The following F10 variants were observed in gnomAD, a reference collection of about 807,000 sequenced individuals.
The protein encoded by F10 is Stuart-Prower factor.
Under a neutral mutation model 37.1 loss-of-function variants are expected in F10, and 29 were observed. The observed-to-expected ratio is 0.78, with a 90% CI of 0.58 to 1.07. F10 has a LOEUF of 1.07. Among genes scored for constraint, F10 ranks in the 50% least tolerant of loss-of-function variants. F10 has a pLI of 0.00. For synonymous variants in F10, 262 were observed against 268.6 expected (o/e 0.98, Z 0.24); for missense variants, 539 against 667.9 (o/e 0.81, Z 2.13).
At position 113,143,704 on chromosome 13, in the gene F10, GGGC is replaced by G; in HGVS notation, c.503-146_503-144del. 1.1e-4 allele frequency: 130 copies of G among 1,188,174 alleles called. No homozygotes were observed. Among genetic ancestry groups the G allele is most frequent in the Admixed American group, 5.5e-4 (23 of 41,794 alleles). The allele number at this position is 1,188,174 out of a possible 1,614,324, so 73.6% of individuals were successfully genotyped here. On this transcript the variant is annotated intron_variant, in intron 5 of 7. Transcript: ENST00000375559. This position sits in a 1 kb window ranked among gnomAD's most constrained non-coding sequence, Gnocchi z 6.8. ...AGATCCGACCCCTGCCGACGACGTG[GGGC>G]CTCGCCCTGCAAGCCCGCTGCCCCT...
intron 1 of F10, among the ~76,000 whole-genome samples, chr13:113,124,474 G>T (rs939625903): frequency 5.3e-5 from 8 of 152,212 alleles, no homozygotes; most frequent in South Asian, 4.1e-4. Context: ...CTGGACCCTG[G>T]GTGGACATGG....
intron 2 of F10, chr13:113,130,583 A>G (rs547184034): frequency 2.6e-5 from 4 of 152,238 alleles, no homozygotes; most frequent in Non-Finnish European, 5.9e-5. Flanking sequence ...CTAACTGTGG[A>G]CCCAAATGGA....
chr13:113,132,980 A>G (rs2036447384), intron 2 of F10, among the ~76,000 whole-genome samples: 1 of 152,228 alleles, frequency 6.6e-6, no homozygotes, highest in Non-Finnish European at 1.5e-5. Flanking sequence ...TAAGTCACAC[A>G]TGTATAAATA....
At chr13:113,129,854 C>T (rs775534930) in intron 2 of F10, 23 of 561,304 alleles carry the variant, frequency 4.1e-5, no homozygotes, top group Non-Finnish European at 6.4e-5. Flanking sequence ...GCGCCCAAGT[C>T]CCTTGAGGGT....
rs753840089 is a variant in F10 at position 113,146,786 on chromosome 13, C to A, written c.748-593C>A. 6.6e-6 allele frequency among the ~76,000 whole-genome samples: 1 copy of A among 152,164 alleles called. No homozygotes were observed. Among genetic ancestry groups the A allele is most frequent in the Non-Finnish European group, 1.5e-5 (1 of 68,022 alleles). ...AAAAGAAAACCAAAATATGCCCGGG[C>A]TCCAAACTTGCAAGTCCAGCTCCCT... On this transcript the variant is annotated intron_variant, in intron 6 of 7. Coordinates refer to ENST00000375559, the MANE Select transcript of F10 (RefSeq NM_000504.4). This position sits in a 1 kb window ranked among gnomAD's most constrained non-coding sequence, Gnocchi z 4.5.
rs528218 is a variant in F10 at position 113,143,032 on chromosome 13, G to A, written c.503-819G>A. ...CAGAGCTGAGGCACGGCGGGGTGGA[G>A]GCCCCTGCGGCTGGCAGATTCACCG... On this transcript the variant is annotated intron_variant, in intron 5 of 7. Transcript: ENST00000375559. This position sits in a 1 kb window ranked among gnomAD's most constrained non-coding sequence, Gnocchi z 6.8. Among the ~76,000 whole-genome samples, 17,214 of 152,160 alleles carry A rather than the reference G, an allele frequency of 0.11. 1,152 individuals are homozygous for A. The highest frequency in any genetic ancestry group is 0.18 in the Middle Eastern group (53 of 294).
chr13:113,145,072 G>A (rs908699210), intron 6 of F10, among the ~76,000 whole-genome samples: 3 of 152,174 alleles, frequency 2.0e-5, no homozygotes, highest in Non-Finnish European at 2.9e-5. Flanking sequence ...AGTAGAGACG[G>A]GGTTTCACCG....
chr13:113,145,287 A>G (rs912215809), intron 6 of F10, among the ~76,000 whole-genome samples: 2 of 152,154 alleles, frequency 1.3e-5, no homozygotes, highest in African/African-American at 4.8e-5. Context: ...CAGCCACCCA[A>G]AGTGCTGGAG....
chr13:113,149,296 C>G lies in F10; in HGVS notation c.1246C>G (p.Gln416Glu). 6.2e-7 allele frequency: 1 copy of G among 1,613,228 alleles called. No homozygotes were observed. The highest frequency in any genetic ancestry group is 8.5e-7 in the Non-Finnish European group (1 of 1,180,044). Residue 416 changes from glutamine (Q) to glutamate (E), a missense_variant, in exon 8 of 8, where the codon CAG becomes GAG. Physicochemically the swap from Gln to Glu is conservative, Grantham distance 29 (BLOSUM62 2). Around this residue, in one of 2 missense-constraint regions of F10, gnomAD observed 409 missense variants for 547.9 expected, o/e 0.75. Coordinates refer to ENST00000375559, the MANE Select transcript of F10 (RefSeq NM_000504.4). The surrounding 1 kb of genome is among the most constrained non-coding windows in gnomAD (Gnocchi z 7.5). Reference protein sequence around the residue: ...GYDTKQEDACQGDSGGPHVTR... With the variant: ...GYDTKQEDACEGDSGGPHVTR... The stretch of plus-strand genomic sequence containing the variant: ...CGACACCAAGCAGGAGGATGCCTGC[C>G]AGGGGGACAGCGGGGGCCCGCACGT...
In F10 at chr13:113,139,018, C is replaced by G. The variant is rs1444607532; in HGVS notation, c.257-339C>G. ...TTGGAAAGAGGAACCCTAACCTCCT[C>G]TCCCGTCAAGGCCCAGCCCAGAAAT... On this transcript the variant is annotated intron_variant, in intron 3 of 7. Coordinates refer to ENST00000375559, the MANE Select transcript of F10 (RefSeq NM_000504.4). The surrounding 1 kb of genome is among the most constrained non-coding windows in gnomAD (Gnocchi z 5.2). Among the ~76,000 whole-genome samples, 1 of 152,262 alleles carries G rather than the reference C, an allele frequency of 6.6e-6. No homozygotes were observed. The highest frequency in any genetic ancestry group is 1.5e-5 in the Non-Finnish European group (1 of 68,050).
rs566298973 is a variant in F10, at chr13:113,139,714, CGAGA to C, written c.370+249_370+252del. Among the ~76,000 whole-genome samples the C allele has an allele frequency of 1.1e-3, 169 of 152,080 alleles. No individual in the cohort carries two copies. The highest frequency in any genetic ancestry group is 3.8e-3 in the African/African-American group (158 of 41,492). On this transcript the variant is annotated intron_variant, in intron 4 of 7. Transcript: ENST00000375559. The surrounding 1 kb of genome is among the most constrained non-coding windows in gnomAD (Gnocchi z 5.2). ...AGACACAGTCACTTCTCTGCTCCTC[CGAGA>C]GAGACTGTAGAACATTGATGAAGCG...
chr13:113,122,841 G>C lies in F10; in HGVS notation c.-15G>C. 1.2e-6 allele frequency: 2 copies of C among 1,609,154 alleles called. No homozygotes were observed. The highest frequency in any genetic ancestry group is 2.2e-5 in the South Asian group (2 of 91,088). On this transcript the variant is annotated 5_prime_UTR_variant, in exon 1 of 8. Transcript: ENST00000375559. Reference sequence around the variant, plus strand: ...CTGTCCCAGTGAGGACAGGGACACAGTACTCGGCCACACCATGGGGCGCCC... The same window carrying C: ...CTGTCCCAGTGAGGACAGGGACACACTACTCGGCCACACCATGGGGCGCCC...
At position 113,147,390 on chromosome 13, in the gene F10, C is replaced by T. The variant is rs764732549; in HGVS notation, c.759C>T (p.Ile253=). The T allele has an allele frequency of 3.1e-6, 5 of 1,612,092 alleles. No individual in the cohort carries two copies. In the South Asian group the frequency reaches 3.3e-5, roughly 11 times the overall value. The part of the protein sequence containing the change: ...DGECPWQALL[I]NEENEGFCGG... ...CACGTCTGTCACAGGCCCTGCTCAT[C>T]AATGAGGAAAACGAGGGTTTCTGTG... The change falls in exon 7 of 8, where the codon ATC becomes ATT. Residue 253 remains isoleucine, a synonymous_variant. Coordinates refer to ENST00000375559, the MANE Select transcript of F10 (RefSeq NM_000504.4).
At chr13:113,124,387 A>G (rs2036350910) in intron 1 of F10, among the ~76,000 whole-genome samples, 1 of 152,266 alleles carries the variant, frequency 6.6e-6, no homozygotes, top group Non-Finnish European at 1.5e-5. Flanking sequence ...CTCTGGGTCC[A>G]CAGGGTATTG....
chr13:113,126,977 G>A (rs536929510), intron 1 of F10, among the ~76,000 whole-genome samples: 5 of 152,340 alleles, frequency 3.3e-5, no homozygotes, highest in East Asian at 1.9e-4. Flanking sequence ...GAGCAGACAC[G>A]CAGAGTAATG....
intron 7 of F10, 85 bp downstream of exon 7, chr13:113,147,581 G>T (rs1024744172): frequency 1.2e-6 from 1 of 869,078 alleles, no homozygotes; most frequent in Non-Finnish European, 2.0e-6. Context: ...GATGGAATTT[G>T]TTGGGAACAC....
At chr13:113,136,332 A>C (rs189125981) in intron 2 of F10, among the ~76,000 whole-genome samples, 26 of 152,332 alleles carry the variant, frequency 1.7e-4, no homozygotes, top group African/African-American at 5.8e-4. Context: ...TTTCTTATAA[A>C]GTTATATAAG....
At chr13:113,136,352 G>A (rs1438621018) in intron 2 of F10, among the ~76,000 whole-genome samples, 1 of 152,010 alleles carries the variant, frequency 6.6e-6, no homozygotes, top group Non-Finnish European at 1.5e-5. Context: ...GGTTACCACA[G>A]GACTCGGCAA....
In F10 at chr13:113,146,207, G is replaced by A. The variant is rs146560188; in HGVS notation, c.748-1172G>A. On this transcript the variant is annotated intron_variant, in intron 6 of 7. Transcript: ENST00000375559. The surrounding 1 kb of genome is among the most constrained non-coding windows in gnomAD (Gnocchi z 4.5). ...GCACTGAGCCGGGTGCTGTGTAGGTGGGATATGAAACCATGAAGCCTCTCT... is the reference window on the plus strand; with the variant it reads ...GCACTGAGCCGGGTGCTGTGTAGGTAGGATATGAAACCATGAAGCCTCTCT... 2.6e-3 allele frequency among the ~76,000 whole-genome samples: 394 copies of A among 152,304 alleles called. 1 individual carries two copies. Among genetic ancestry groups the A allele is most frequent in the African/African-American group, 9.2e-3 (382 of 41,558 alleles).
Sources: gnomAD v4.1 joint callset for allele counts (sites outside exome capture counted in the v4.1 genomes callset) on GRCh38, gnomAD v4.1.1 for gene constraint, gnomAD v4.1.1 regional missense constraint, Gnocchi (gnomAD v3.1) non-coding constraint, MANE v1.5 for transcripts, NCBI Gene and HGNC (gene_info 2026-07-23, HGNC 2026-07-21) for gene names.